Variants in INCENP observed in about 807,000 individuals in gnomAD.
INCENP encodes the protein binds and activates aurora-B and -C in vivo and in vitro.
A neutral mutation model predicts 107.3 loss-of-function variants in INCENP; 43 were observed. The ratio of observed to expected loss-of-function variants is 0.40; its 90% CI spans 0.31 to 0.52. INCENP has a LOEUF of 0.52. Among genes scored for constraint, INCENP ranks in the 20% least tolerant of loss-of-function variants. INCENP has a pLI of 0.53. For synonymous variants in INCENP, 488 were observed against 494.4 expected (o/e 0.99, Z 0.17); for missense variants, 1,089 against 1,250.9 (o/e 0.87, Z 1.95).
At chr11:62,128,379 C>T in intron 2 of INCENP, 78 bp downstream of exon 2, 1 of 1,518,300 alleles carries the variant, frequency 6.6e-7, no homozygotes, top group Non-Finnish European at 9.1e-7. Context: ...ACAACAGCCC[C>T]TCGTCCCCGC....
At chr11:62,145,438 G>A in intron 13 of INCENP, 149 bp downstream of exon 13, 3 of 1,376,210 alleles carry the variant, frequency 2.2e-6, no homozygotes, top group African/African-American at 1.5e-5. Context: ...TCAGCTCTGG[G>A]TTTCCCTGGC....
Position 62,150,120 on chromosome 11 carries a change from C to T in INCENP, c.2455C>T (p.Pro819Ser). The change falls in exon 18 of 19, where the codon CCA (proline) becomes TCA (serine). Residue 819 changes from proline to serine, a missense_variant. Pro to Ser is a moderately conservative substitution (Grantham distance 74). Transcript: ENST00000394818. Reference sequence around the variant, plus strand: ...GCACAGGGCCCCTCCCAAGATCAACCCAGATAACTACGGGATGGATCTGAA... The same window carrying T: ...GCACAGGGCCCCTCCCAAGATCAACTCAGATAACTACGGGATGGATCTGAA... Reference protein sequence around the residue: ...QGHRAPPKINPDNYGMDLNSD... With the variant: ...QGHRAPPKINSDNYGMDLNSD... 1 of 1,614,038 alleles carries T rather than the reference C, an allele frequency of 6.2e-7. No individual in the cohort carries two copies. The highest frequency in any genetic ancestry group is 1.1e-5 in the South Asian group (1 of 91,078).
Position 62,153,045 on chromosome 11 carries a change from G to C in INCENP, c.*1069G>C, listed in dbSNP as rs990681876. ...GTTGTCTCCAGTTGCTCTGCTCCGA[G>C]GGCAGTGTTAAGTTGTGCAGCAGAG... On this transcript the variant is annotated 3_prime_UTR_variant, in exon 19 of 19. Transcript: ENST00000394818. The C allele has an allele frequency of 6.6e-6, 1 of 152,204 alleles. No homozygotes were observed. The highest frequency in any genetic ancestry group is 1.5e-5 in the Non-Finnish European group (1 of 68,034). The allele number at this position is 152,204 out of a possible 1,614,324, so 9.4% of individuals were successfully genotyped here.
intron 4 of INCENP, among the ~76,000 whole-genome samples, chr11:62,130,881 A>G (rs923998803): frequency 4.6e-5 from 7 of 152,226 alleles, no homozygotes; most frequent in Non-Finnish European, 7.3e-5. Flanking sequence ...TGGATGGTGC[A>G]GGTCTGACCC....
At chr11:62,147,319 A>G (rs1441603722) in intron 15 of INCENP, among the ~76,000 whole-genome samples, 4 of 152,120 alleles carry the variant, frequency 2.6e-5, no homozygotes, top group African/African-American at 7.2e-5. Flanking sequence ...GATAACTCAG[A>G]TTACCCCCTA....
rs568248240 is a variant in INCENP at position 62,138,903 on chromosome 11, G to A, written c.1189G>A (p.Gly397Arg). Reference protein sequence around the residue: ...AAEPEVPENNGNNSWPHNDTE... With the variant: ...AAEPEVPENNRNNSWPHNDTE... ...CTTTCCACAGGTCCCTGAGAACAATGGAAATAACTCGTGGCCCCACAATGA... is the reference window on the plus strand; with the variant it reads ...CTTTCCACAGGTCCCTGAGAACAATAGAAATAACTCGTGGCCCCACAATGA... Residue 397 changes from glycine to arginine, a missense_variant, in exon 7 of 19, where the codon GGA becomes AGA. Gly to Arg is a moderately radical substitution (Grantham distance 125, BLOSUM62 -2). Transcript: ENST00000394818. 1.4e-5 allele frequency: 22 copies of A among 1,613,618 alleles called. No homozygotes were observed. The highest frequency in any genetic ancestry group is 1.4e-5 in the Non-Finnish European group (17 of 1,179,536).
intron 18 of INCENP, among the ~76,000 whole-genome samples, chr11:62,151,345 G>T (rs374589643): frequency 6.6e-6 from 1 of 152,214 alleles, no homozygotes; most frequent in African/African-American, 2.4e-5. Context: ...TGTGGGGTCT[G>T]TGAGAAGCAG....
At chr11:62,147,954 G>A (rs1944289706) in intron 15 of INCENP, among the ~76,000 whole-genome samples, 1 of 152,236 alleles carries the variant, frequency 6.6e-6, no homozygotes, top group African/African-American at 2.4e-5. Context: ...CTCAGTTGAA[G>A]CCCATGGTGG....
chr11:62,126,274 C>T (rs1943748040), intron 1 of INCENP, among the ~76,000 whole-genome samples: 1 of 151,426 alleles, frequency 6.6e-6, no homozygotes, highest in Non-Finnish European at 1.5e-5. Flanking sequence ...TGGCTCATTG[C>T]AGCCTCTGCC....
At chr11:62,124,749 G>C (rs11230914) in intron 1 of INCENP, among the ~76,000 whole-genome samples, 67,401 of 151,886 alleles carry the variant, frequency 0.44, 17,815 homozygotes, top group Non-Finnish European at 0.61. Context: ...TTAAGGGCAC[G>C]GTTTAAAGGC....
In INCENP at chr11:62,137,818, C is replaced by G. The variant is rs372550570; in HGVS notation, c.1064-14C>G. ...CTCTGATGAGATCTTTTGTGCCTTT[C>G]TTTTCCCCCTCAGGTCACAGTTACC... On this transcript the variant is annotated splice_polypyrimidine_tract_variant and intron_variant, in intron 4 of 18. Coordinates refer to ENST00000394818, the MANE Select transcript of INCENP (RefSeq NM_001040694.2). 2 of 1,613,854 alleles carry G rather than the reference C, an allele frequency of 1.2e-6. No homozygotes were observed. The highest frequency in any genetic ancestry group is 1.7e-6 in the Non-Finnish European group (2 of 1,179,746).
intron 10 of INCENP, among the ~76,000 whole-genome samples, 160 bp downstream of exon 10, chr11:62,141,204 G>C (rs1944114845): frequency 1.3e-5 from 2 of 152,350 alleles, no homozygotes; most frequent in Middle Eastern, 3.4e-3. Flanking sequence ...GCCACCGGCT[G>C]TCTTGACCTC....
rs1943846526 is a variant in INCENP at position 62,129,990 on chromosome 11, A to C, written c.463A>C (p.Lys155Gln). ...TPESPTMLTKKPEDNHTQCQL... is the reference protein window; with the variant it reads ...TPESPTMLTKQPEDNHTQCQL... ...TGAGTCTCCCACGATGCTGACTAAG[A>C]AGCCCGAGGATAACCACACCCAGTG... Residue 155 changes from lysine (K) to glutamine (Q), a missense_variant, in exon 4 of 19, where the codon AAG becomes CAG. Transcript: ENST00000394818. The C allele has an allele frequency of 6.2e-7, 1 of 1,614,062 alleles. No individual in the cohort carries two copies. The highest frequency in any genetic ancestry group is 8.5e-7 in the Non-Finnish European group (1 of 1,180,018).
chr11:62,140,146 G>T, intron 7 of INCENP, 88 bp from the exon 8 acceptor site: 1 of 1,147,370 alleles, frequency 8.7e-7, no homozygotes, highest in Non-Finnish European at 1.3e-6. Context: ...CAAGGCTGCT[G>T]CCCAAGGACC....
chr11:62,152,050 G>T lies in INCENP; in HGVS notation c.*74G>T. On this transcript the variant is annotated 3_prime_UTR_variant, in exon 19 of 19. Coordinates refer to ENST00000394818, the MANE Select transcript of INCENP (RefSeq NM_001040694.2). ...CTGTCTGTCTGTCGGTCTCTGTCTT[G>T]GTCTGTTGCCCTCCTTCTTGGCATG... The T allele has an allele frequency of 5.1e-6, 6 of 1,172,058 alleles. No individual in the cohort carries two copies. In the South Asian group the frequency reaches 8.1e-5, roughly 16 times the overall value. 72.6% of individuals were successfully genotyped at this position (1,172,058 alleles called of 1,614,324 possible).
chr11:62,150,875 C>T (rs933635898), intron 18 of INCENP, among the ~76,000 whole-genome samples: 1 of 152,108 alleles, frequency 6.6e-6, no homozygotes, highest in African/African-American at 2.4e-5. Context: ...AGCCGGAAGT[C>T]AGGGAGGGGT....
intron 18 of INCENP, 138 bp from the exon 19 acceptor site, chr11:62,151,624 A>G: frequency 1.5e-6 from 1 of 662,604 alleles, no homozygotes; most frequent in South Asian, 1.9e-5. Context: ...ATGGTGGTAC[A>G]GGCAGGGGCA....
At chr11:62,148,378 G>A (rs1321352496) in intron 15 of INCENP, 98 bp from the exon 16 acceptor site, 2 of 1,109,638 alleles carry the variant, frequency 1.8e-6, no homozygotes, top group Non-Finnish European at 2.6e-6. Flanking sequence ...TCTAAGGTGT[G>A]TCCTACTGGC....
At chr11:62,143,587 A>C (rs186955182) in intron 11 of INCENP, among the ~76,000 whole-genome samples, 13 of 152,242 alleles carry the variant, frequency 8.5e-5, no homozygotes, top group African/African-American at 3.1e-4. Flanking sequence ...AGTGGGAGAG[A>C]GAGGTGGAGT....
Sources: allele counts gnomAD v4.1 joint callset (sites outside exome capture counted in the v4.1 genomes callset), GRCh38; gene constraint gnomAD v4.1.1; transcripts MANE v1.5; gene names NCBI Gene and HGNC (gene_info 2026-07-23, HGNC 2026-07-21).